Variants in PREX2 observed in about 807,000 individuals in gnomAD.
PREX2 encodes the protein phosphatidylinositol 3,4,5-trisphosphate-dependent Rac exchanger 2 protein.
A neutral mutation model predicts 203.2 loss-of-function variants in PREX2; 107 were observed. The observed-to-expected ratio is 0.53, with a 90% confidence interval of 0.45 to 0.62. The LOEUF (loss-of-function observed/expected upper bound fraction) is 0.62. Among genes scored for constraint, PREX2 ranks in the 20% least tolerant of loss-of-function variants. The probability of loss-of-function intolerance (pLI) is 0.00; values close to 1 mark genes in which losing one functional copy is unlikely to be tolerated. For missense variants in PREX2, 1,777 were observed against 1,955.9 expected (o/e 0.91, Z 1.72); for synonymous variants, 672 against 663.6 (o/e 1.01, Z -0.19).
At chr8:68,229,499 G>A (rs1813124238) in intron 39 of PREX2, among the ~76,000 whole-genome samples, 1 of 152,158 alleles carries the variant, frequency 6.6e-6, no homozygotes, top group Non-Finnish European at 1.5e-5. Flanking sequence ...AAATGTGTTT[G>A]AACTCAAATA....
At chr8:68,224,464 A>G in intron 38 of PREX2, 95 bp from the exon 39 acceptor site, 1 of 932,720 alleles carries the variant, frequency 1.1e-6, no homozygotes, top group South Asian at 1.4e-5. Flanking sequence ...TGTTAAAGAC[A>G]TTGTTTGAAT....
intron 1 of PREX2, among the ~76,000 whole-genome samples, chr8:67,959,765 G>GC (rs1365333590): frequency 6.6e-6 from 1 of 152,106 alleles, no homozygotes; most frequent in Admixed American, 6.5e-5. Context: ...GGTCTTTGTG[G>GC]CCCCTTGTGA....
chr8:68,030,489 A>G lies in PREX2; in HGVS notation c.544-8A>G. 1 of 1,612,042 alleles carries G rather than the reference A, an allele frequency of 6.2e-7. No individual in the cohort carries two copies. The highest frequency in any genetic ancestry group is 8.5e-7 in the Non-Finnish European group (1 of 1,178,802). On this transcript the variant is annotated splice_polypyrimidine_tract_variant and splice_region_variant and intron_variant, in intron 5 of 39. Transcript: ENST00000288368. ...CAAAGGGCGATTTGTTTTTTTGTGT[A>G]TAAACAGGAGTTGCTGAAGCGGACT...
intron 39 of PREX2, among the ~76,000 whole-genome samples, chr8:68,228,542 C>T (rs1813096379): frequency 6.6e-6 from 1 of 152,038 alleles, no homozygotes; most frequent in Non-Finnish European, 1.5e-5. Context: ...GCAGGCGGAT[C>T]ATGCGGTCAG....
intron 1 of PREX2, among the ~76,000 whole-genome samples, chr8:67,960,063 A>G (rs1029321790): frequency 2.0e-5 from 3 of 151,096 alleles, no homozygotes; most frequent in South Asian, 2.1e-4. Flanking sequence ...TAATTAATTT[A>G]TTGATCTCAC....
intron 37 of PREX2, among the ~76,000 whole-genome samples, chr8:68,213,592 G>A (rs1812781299): frequency 6.6e-6 from 1 of 152,134 alleles, no homozygotes; most frequent in African/African-American, 2.4e-5. Flanking sequence ...AAATTAAATG[G>A]GACCCATTAG....
intron 14 of PREX2, among the ~76,000 whole-genome samples, chr8:68,077,136 TG>T (rs1304865116): frequency 6.6e-6 from 1 of 152,278 alleles, no homozygotes; most frequent in Non-Finnish European, 1.5e-5. Context: ...AATAAATTTT[TG>T]TTACATAGTT....
At chr8:68,221,812 ATAT>A (rs1812959098) in intron 38 of PREX2, among the ~76,000 whole-genome samples, 1 of 152,238 alleles carries the variant, frequency 6.6e-6, no homozygotes, top group Non-Finnish European at 1.5e-5. Flanking sequence ...CTTAATGGAA[ATAT>A]TATAAGACTA....
chr8:68,001,282 A>T (rs1806931198), intron 1 of PREX2, among the ~76,000 whole-genome samples: 1 of 144,252 alleles, frequency 6.9e-6, no homozygotes, highest in Admixed American at 7.2e-5. Flanking sequence ...GGCAAAGGAC[A>T]TGAAAATACA....
At chr8:68,196,489 A>ATG (rs952376299) in intron 37 of PREX2, among the ~76,000 whole-genome samples, 5 of 148,388 alleles carry the variant, frequency 3.4e-5, no homozygotes, top group African/African-American at 4.9e-5. Context: ...ATATATATAT[A>ATG]TGTACATATA....
chr8:68,236,268 A>G lies in PREX2; in HGVS notation c.*4890A>G, dbSNP rs935058643. 8 of 152,182 alleles carry G rather than the reference A, an allele frequency of 5.3e-5. No homozygotes were observed. Among genetic ancestry groups the G allele is most frequent in the African/African-American group, 1.9e-4 (8 of 41,454 alleles). 9.4% of individuals were successfully genotyped at this position (152,182 alleles called of 1,614,324 possible). A position where few individuals can be genotyped will look rare whatever the true frequency, so the allele number is the denominator to read the frequency against. ...CAAAATTGTTAAATTTTAAAATTGC[A>G]TTTCTACTAGAAATAGCTTTGGAGA... On this transcript the variant is annotated 3_prime_UTR_variant, in exon 40 of 40. Transcript: ENST00000288368.
At chr8:68,148,428 GA>G (rs1009110842) in intron 34 of PREX2, among the ~76,000 whole-genome samples, 5 of 151,858 alleles carry the variant, frequency 3.3e-5, no homozygotes, top group African/African-American at 1.2e-4. Context: ...TTTTGACTTT[GA>G]AATTATTACT....
intron 1 of PREX2, among the ~76,000 whole-genome samples, chr8:67,973,805 TG>T (rs2129019540): frequency 6.6e-6 from 1 of 152,284 alleles, no homozygotes; most frequent in South Asian, 2.1e-4. Context: ...ATTTTACAGC[TG>T]GGAGCAGTTG....
chr8:68,122,290 G>A (rs1373368920), intron 30 of PREX2, among the ~76,000 whole-genome samples: 1 of 151,974 alleles, frequency 6.6e-6, no homozygotes, highest in Non-Finnish European at 1.5e-5. Flanking sequence ...ATAAATCATA[G>A]TGATTCTATC....
intron 11 of PREX2, among the ~76,000 whole-genome samples, chr8:68,064,019 A>G (rs1015116605): frequency 1.3e-5 from 2 of 152,230 alleles, no homozygotes; most frequent in Non-Finnish European, 2.9e-5. Context: ...CATTGCAAAT[A>G]TGATTGAGAA....
intron 13 of PREX2, 37 bp from the exon 14 acceptor site, chr8:68,072,458 G>GT: frequency 3.3e-6 from 4 of 1,227,698 alleles, no homozygotes; most frequent in Non-Finnish European, 4.7e-6. Context: ...CTTAATTTTT[G>GT]TTTTTTGTTT....
chr8:68,079,451 C>T (rs1809446957), intron 15 of PREX2, among the ~76,000 whole-genome samples: 1 of 152,122 alleles, frequency 6.6e-6, no homozygotes, highest in African/African-American at 2.4e-5. Context: ...TTTTATTGCC[C>T]CCACTTTACA....
intron 32 of PREX2, among the ~76,000 whole-genome samples, chr8:68,137,274 T>A (rs1301549289): frequency 6.6e-6 from 1 of 151,912 alleles, no homozygotes; most frequent in African/African-American, 2.4e-5. Context: ...ATTGACATTT[T>A]ATTTTTTTTA....
chr8:68,217,681 G>A lies in PREX2; in HGVS notation c.4670G>A (p.Arg1557His), dbSNP rs1243836474. 7 of 1,613,966 alleles carry A rather than the reference G, an allele frequency of 4.3e-6. No homozygotes were observed. Among genetic ancestry groups the A allele is most frequent in the East Asian group, 2.2e-5 (1 of 44,868 alleles). Residue 1557 changes from arginine (R) to histidine (H), a missense_variant, in exon 38 of 40, where the codon CGT becomes CAT. Coordinates refer to ENST00000288368, the MANE Select transcript of PREX2 (RefSeq NM_024870.4). ...ILARSHGLPP[R>H]YIMQATDVMR... ...GCCAGAAGCCACGGACTGCCACCTC[G>A]TTACATCATGCAGGCTACAGATGTG...
Sources: allele counts gnomAD v4.1 joint callset (sites outside exome capture counted in the v4.1 genomes callset), GRCh38; gene constraint gnomAD v4.1.1; transcripts MANE v1.5; gene names NCBI Gene and HGNC (gene_info 2026-07-23, HGNC 2026-07-21).